The following TSHZ2 variants were observed in gnomAD, a reference collection of about 807,000 sequenced individuals.
TSHZ2 encodes the protein teashirt zinc finger homeobox 2, also known as teashirt homolog 2.
In TSHZ2, 21 loss-of-function variants were observed where a neutral mutation model predicts 74.4. That is an observed-to-expected ratio of 0.28 (90% CI 0.20 to 0.41). The LOEUF is 0.41. Ranked by LOEUF, TSHZ2 falls within the 10% of genes least tolerant of loss-of-function variation. The pLI, the probability that TSHZ2 is intolerant of heterozygous loss-of-function variation, is 1.00. For synonymous variants in TSHZ2, 540 were observed against 515.3 expected (o/e 1.05, Z -0.65); for missense variants, 1,244 against 1,293.5 (o/e 0.96, Z 0.59).
At chr20:53,162,474 C>A (rs573579088) in intron 1 of TSHZ2, among the ~76,000 whole-genome samples, 5 of 152,198 alleles carry the variant, frequency 3.3e-5, no homozygotes, top group Non-Finnish European at 5.9e-5. Context: ...ACTTCAGTTT[C>A]TCTGATGGTA....
In TSHZ2 at chr20:53,116,038, T is replaced by C. The variant is rs1006778644; in HGVS notation, c.41-137461T>C. Among the ~76,000 whole-genome samples, 3 of 152,154 alleles carry C rather than the reference T, an allele frequency of 2.0e-5. No individual in the cohort carries two copies. The East Asian group carries it at 5.8e-4, about 29-fold the overall frequency. On this transcript the variant is annotated intron_variant, in intron 1 of 2. Transcript: ENST00000371497. ...GAGACAGGTGATGCAGTGAGAAAAG[T>C]CTTGTGTTGCATTACTTCTCTTCCT...
chr20:53,223,651 C>T (rs1460002475), intron 1 of TSHZ2, among the ~76,000 whole-genome samples: 1 of 152,144 alleles, frequency 6.6e-6, no homozygotes, highest in African/African-American at 2.4e-5. Flanking sequence ...CTACCTCGGC[C>T]TTCCAAAGTG....
At position 53,099,983 on chromosome 20, in the gene TSHZ2, G is replaced by T. The variant is rs151062231; in HGVS notation, c.40+126650G>T. ...CAGCAGCAGTGAAGGGGGAATGGAA[G>T]GAATCCACTTTTTGCCAAGTGAATA... is the stretch of plus-strand genomic sequence containing the variant. On this transcript the variant is annotated intron_variant, in intron 1 of 2. Coordinates refer to ENST00000371497, the MANE Select transcript of TSHZ2 (RefSeq NM_173485.6). Among the ~76,000 whole-genome samples the T allele has an allele frequency of 3.7e-3, 556 of 152,294 alleles. 4 individuals are homozygous for T. Among genetic ancestry groups the T allele is most frequent in the African/African-American group, 0.013 (520 of 41,566 alleles).
At chr20:53,015,733 T>G (rs1005239558) in intron 1 of TSHZ2, among the ~76,000 whole-genome samples, 4 of 152,164 alleles carry the variant, frequency 2.6e-5, no homozygotes, top group Non-Finnish European at 4.4e-5. Flanking sequence ...TGCCACACCA[T>G]TAGACATTCT....
chr20:53,446,593 AAAGAG>A (rs1479479019), intron 2 of TSHZ2, among the ~76,000 whole-genome samples: 22 of 149,564 alleles, frequency 1.5e-4, no homozygotes, highest in Admixed American at 4.0e-4. Context: ...AAAAAAAAAA[AAAGAG>A]AGAGAAGGAA....
chr20:53,354,274 T>C (rs1980762991), intron 2 of TSHZ2, among the ~76,000 whole-genome samples: 1 of 152,236 alleles, frequency 6.6e-6, no homozygotes, highest in Non-Finnish European at 1.5e-5. Context: ...CATGGTGCTC[T>C]TGTGGTGGCC....
chr20:53,486,425 A>T (rs2145863346), intron 2 of TSHZ2, among the ~76,000 whole-genome samples: 1 of 152,116 alleles, frequency 6.6e-6, no homozygotes, highest in Non-Finnish European at 1.5e-5. Context: ...CTTTTTGGCC[A>T]GTCTAGGTGG....
intron 1 of TSHZ2, among the ~76,000 whole-genome samples, chr20:53,036,138 A>C (rs188029148): frequency 2.6e-5 from 4 of 152,330 alleles, no homozygotes; most frequent in African/African-American, 9.6e-5. Flanking sequence ...GCAACAAATG[A>C]AGTAAAAATT....
At chr20:53,057,278 C>A (rs1984670551) in intron 1 of TSHZ2, among the ~76,000 whole-genome samples, 1 of 152,136 alleles carries the variant, frequency 6.6e-6, no homozygotes, top group African/African-American at 2.4e-5. Flanking sequence ...TGTAAGCATG[C>A]ACCATTTTTA....
At chr20:53,464,182 A>T (rs1222424060) in intron 2 of TSHZ2, among the ~76,000 whole-genome samples, 1 of 152,232 alleles carries the variant, frequency 6.6e-6, no homozygotes, top group Non-Finnish European at 1.5e-5. Flanking sequence ...AGACTGTTGC[A>T]CAAACAGTCC....
At chr20:53,346,440 C>G (rs996207793) in intron 2 of TSHZ2, among the ~76,000 whole-genome samples, 1 of 152,184 alleles carries the variant, frequency 6.6e-6, no homozygotes, top group Non-Finnish European at 1.5e-5. Flanking sequence ...TTTCCAGAGA[C>G]GGCTTGTCTG....
At chr20:53,428,934 G>A (rs1312975109) in intron 2 of TSHZ2, among the ~76,000 whole-genome samples, 1 of 152,206 alleles carries the variant, frequency 6.6e-6, no homozygotes, top group Non-Finnish European at 1.5e-5. Context: ...TACTGTGGAG[G>A]TCACATTGCT....
intron 2 of TSHZ2, among the ~76,000 whole-genome samples, chr20:53,319,459 C>A (rs955218554): frequency 6.6e-6 from 1 of 152,240 alleles, no homozygotes; most frequent in Admixed American, 6.5e-5. Flanking sequence ...CAAGGATTGG[C>A]CTTCAGAGTC....
chr20:53,088,842 C>T (rs1985780175), intron 1 of TSHZ2, among the ~76,000 whole-genome samples: 1 of 152,114 alleles, frequency 6.6e-6, no homozygotes, highest in African/African-American at 2.4e-5. Context: ...GACTCCACTG[C>T]CGCTCACCTA....
At chr20:53,288,259 C>A (rs1308818341) in intron 2 of TSHZ2, among the ~76,000 whole-genome samples, 1 of 151,898 alleles carries the variant, frequency 6.6e-6, no homozygotes, top group Non-Finnish European at 1.5e-5. Flanking sequence ...CAAAAATTAG[C>A]CAGGTGTGGT....
chr20:53,029,547 G>C (rs1428301608), intron 1 of TSHZ2, among the ~76,000 whole-genome samples: 1 of 152,158 alleles, frequency 6.6e-6, no homozygotes, highest in Admixed American at 6.5e-5. Flanking sequence ...GTGGAGGCAC[G>C]TGCCTGTAAT....
chr20:53,451,315 A>G (rs1459519009), intron 2 of TSHZ2, among the ~76,000 whole-genome samples: 1 of 152,236 alleles, frequency 6.6e-6, no homozygotes, highest in Non-Finnish European at 1.5e-5. Context: ...ATTTTTATAA[A>G]TTATATGGAC....
intron 1 of TSHZ2, among the ~76,000 whole-genome samples, chr20:53,072,112 G>C (rs1985194231): frequency 6.6e-6 from 1 of 152,178 alleles, no homozygotes; most frequent in African/African-American, 2.4e-5. Flanking sequence ...AACCCCGGTG[G>C]AATATTCTGT....
chr20:53,158,469 C>A (rs934853529), intron 1 of TSHZ2, among the ~76,000 whole-genome samples: 21 of 149,828 alleles, frequency 1.4e-4, no homozygotes, highest in Admixed American at 6.6e-4. Context: ...TAGTGGTGGG[C>A]TGATAGTGGT....
Sources: allele counts gnomAD v4.1 joint callset (sites outside exome capture counted in the v4.1 genomes callset), GRCh38; gene constraint gnomAD v4.1.1; transcripts MANE v1.5; gene names NCBI Gene and HGNC (gene_info 2026-07-23, HGNC 2026-07-21).